CADPS: variants seen among roughly 807,000 people sequenced by gnomAD.
CADPS encodes the protein calcium dependent secretion activator.
In CADPS, 57 loss-of-function variants were observed where a neutral mutation model predicts 167.3. That is an observed-to-expected ratio of 0.34 (90% CI 0.28 to 0.42). The LOEUF (loss-of-function observed/expected upper bound fraction) is 0.42, where lower values mean the gene tolerates loss of function less well. CADPS is among the 20% of genes least tolerant of loss of function. The pLI, the probability that CADPS is intolerant of heterozygous loss-of-function variation, is 1.00. For missense variants in CADPS, 1,414 were observed against 1,738.1 expected (o/e 0.81, Z 3.32); for synonymous variants, 676 against 635.3 (o/e 1.06, Z -0.96).
chr3:62,555,137 C>T (rs897692477), intron 10 of CADPS, among the ~76,000 whole-genome samples: 4 of 152,166 alleles, frequency 2.6e-5, no homozygotes, highest in Non-Finnish European at 5.9e-5. Flanking sequence ...TCAGACATTA[C>T]TTGGGGAATA....
At chr3:62,868,411 T>C (rs1314948295) in intron 1 of CADPS, among the ~76,000 whole-genome samples, 1 of 152,134 alleles carries the variant, frequency 6.6e-6, no homozygotes, top group South Asian at 2.1e-4. Context: ...TAAATGATGG[T>C]TGGGTAGTCT....
intron 24 of CADPS, among the ~76,000 whole-genome samples, chr3:62,468,610 G>A (rs1055283831): frequency 3.3e-5 from 5 of 152,100 alleles, no homozygotes; most frequent in South Asian, 2.1e-4. Flanking sequence ...TTGAGACATC[G>A]TGGCTTATGG....
At chr3:62,598,020 A>G (rs930005856) in intron 6 of CADPS, among the ~76,000 whole-genome samples, 13 of 152,100 alleles carry the variant, frequency 8.5e-5, no homozygotes, top group African/African-American at 3.1e-4. Context: ...CACACACAAA[A>G]AGTGCCATTC....
At chr3:62,595,240 T>C (rs1032844188) in intron 6 of CADPS, among the ~76,000 whole-genome samples, 5 of 151,844 alleles carry the variant, frequency 3.3e-5, no homozygotes, top group Admixed American at 1.3e-4. Context: ...AGAGAGGACA[T>C]GGAGGAGGCC....
intron 13 of CADPS, among the ~76,000 whole-genome samples, chr3:62,530,044 C>G (rs1015230649): frequency 6.6e-6 from 1 of 152,068 alleles, no homozygotes; most frequent in Admixed American, 6.6e-5. Flanking sequence ...GGAAACAGGA[C>G]AGGATAAACA....
rs149388335 is a variant in CADPS at position 62,597,672 on chromosome 3, G to A, written c.1326-4924C>T. On this transcript the variant is annotated intron_variant, in intron 6 of 29. Transcript: ENST00000383710. ...TGACTGTGGGGCAGTCAGTGCTTCCGAGAACCCATCAGCTGGACGGAATTC... is the reference window on the plus strand; with the variant it reads ...TGACTGTGGGGCAGTCAGTGCTTCCAAGAACCCATCAGCTGGACGGAATTC... Among the ~76,000 whole-genome samples the A allele has an allele frequency of 3.9e-3, 590 of 152,250 alleles. 5 individuals are homozygous for A. The highest frequency in any genetic ancestry group is 0.013 in the African/African-American group (543 of 41,546).
At chr3:62,617,487 A>G (rs1027166693) in intron 6 of CADPS, among the ~76,000 whole-genome samples, 22 of 152,202 alleles carry the variant, frequency 1.4e-4, no homozygotes, top group Admixed American at 2.6e-4. Context: ...ATCAGTAAAT[A>G]TCAAGTATCC....
chr3:62,515,931 T>C (rs2068863891), intron 16 of CADPS, 128 bp downstream of exon 16: 1 of 1,103,734 alleles, frequency 9.1e-7, no homozygotes, highest in African/African-American at 1.6e-5. Flanking sequence ...TTTCAGGTGC[T>C]TCCAGGTTTC....
intron 6 of CADPS, chr3:62,626,269 C>T: frequency 2.7e-6 from 1 of 373,216 alleles, no homozygotes; most frequent in Non-Finnish European, 4.7e-6. Flanking sequence ...TTTCTTTTGT[C>T]TTGAGTGTTC....
At chr3:62,656,740 A>T (rs1015323675) in intron 4 of CADPS, among the ~76,000 whole-genome samples, 2 of 152,098 alleles carry the variant, frequency 1.3e-5, no homozygotes, top group African/African-American at 4.8e-5. Context: ...TCTTGGTATT[A>T]ATTTGTCAAA....
intron 6 of CADPS, among the ~76,000 whole-genome samples, chr3:62,595,539 T>C (rs1409630373): frequency 1.3e-5 from 2 of 152,208 alleles, no homozygotes; most frequent in Non-Finnish European, 2.9e-5. Flanking sequence ...AGCTGCAAGT[T>C]TGGAACAGGT....
In CADPS at chr3:62,605,465, G is replaced by A. The variant is rs1429665530; in HGVS notation, c.1326-12717C>T. Reference sequence around the variant, plus strand: ...GTTTCAGTCTTCATGTCTGTAAAGTGGTCACATGAATAGCATCTACCTTAT... The same window carrying A: ...GTTTCAGTCTTCATGTCTGTAAAGTAGTCACATGAATAGCATCTACCTTAT... On this transcript the variant is annotated intron_variant, in intron 6 of 29. Coordinates refer to ENST00000383710, the MANE Select transcript of CADPS (RefSeq NM_003716.4). Among the ~76,000 whole-genome samples the A allele has an allele frequency of 3.9e-5, 6 of 152,178 alleles. No homozygotes were observed. The East Asian group carries it at 1.2e-3, about 29-fold the overall frequency.
At chr3:62,561,435 A>G (rs1187058724) in intron 9 of CADPS, among the ~76,000 whole-genome samples, 1 of 145,676 alleles carries the variant, frequency 6.9e-6, no homozygotes, top group Non-Finnish European at 1.5e-5. Flanking sequence ...TTTTTTTTTA[A>G]TTTTTTGGTA....
At chr3:62,558,722 T>C (rs2078634001) in intron 9 of CADPS, among the ~76,000 whole-genome samples, 1 of 152,176 alleles carries the variant, frequency 6.6e-6, no homozygotes, top group Admixed American at 6.5e-5. Context: ...AGGATGTTTT[T>C]GGTAGTTGGT....
chr3:62,551,377 A>G (rs921205240), intron 10 of CADPS, among the ~76,000 whole-genome samples: 7 of 152,184 alleles, frequency 4.6e-5, no homozygotes, highest in African/African-American at 1.7e-4. Context: ...CCAGAATTTG[A>G]TCACTTCTTC....
intron 6 of CADPS, among the ~76,000 whole-genome samples, chr3:62,613,657 A>G (rs890861147): frequency 1.4e-4 from 21 of 152,230 alleles, no homozygotes; most frequent in Admixed American, 8.5e-4. Flanking sequence ...AATGTACCAA[A>G]GAATTTCTTA....
intron 3 of CADPS, among the ~76,000 whole-genome samples, chr3:62,716,775 A>AT (rs1347877004): frequency 6.6e-6 from 1 of 151,946 alleles, no homozygotes; most frequent in Non-Finnish European, 1.5e-5. Flanking sequence ...AGTTTGACTG[A>AT]TTTTTTTTGG....
At chr3:62,741,633 A>G (rs1291501649) in intron 3 of CADPS, among the ~76,000 whole-genome samples, 1 of 152,196 alleles carries the variant, frequency 6.6e-6, no homozygotes, top group Non-Finnish European at 1.5e-5. Flanking sequence ...TCAAAATAAT[A>G]AGAGCTGTCT....
chr3:62,476,833 A>G (rs1411696010), intron 23 of CADPS, among the ~76,000 whole-genome samples: 1 of 152,036 alleles, frequency 6.6e-6, no homozygotes, highest in East Asian at 1.9e-4. Context: ...ATCACGCAAA[A>G]AGTTTTTTTA....
Sources: allele counts gnomAD v4.1 joint callset (sites outside exome capture counted in the v4.1 genomes callset), GRCh38; gene constraint gnomAD v4.1.1; transcripts MANE v1.5; gene names NCBI Gene and HGNC (gene_info 2026-07-23, HGNC 2026-07-21).